AKAP12: variants seen among roughly 807,000 people sequenced by gnomAD.
The protein encoded by AKAP12 is A-kinase anchor protein 12.
In AKAP12, 32 loss-of-function variants were observed where a neutral mutation model predicts 79.9. The observed-to-expected ratio is 0.40, with a 90% CI of 0.30 to 0.54. AKAP12 has a LOEUF of 0.54. AKAP12 is among the 20% of genes least tolerant of loss of function. AKAP12 has a pLI of 0.48. For missense variants in AKAP12, 2,074 were observed against 2,177.0 expected, an observed-to-expected ratio of 0.95 and a Z score of 0.94; for synonymous variants, 808 against 857.0, an observed-to-expected ratio of 0.94 and a Z score of 1.00.
At chr6:151,334,816 G>A (rs978302038) in intron 3 of AKAP12, among the ~76,000 whole-genome samples, 3 of 151,854 alleles carry the variant, frequency 2.0e-5, no homozygotes, top group Non-Finnish European at 4.4e-5. Context: ...GTAGAGACGG[G>A]GTTTCTCCGT....
At chr6:151,321,918 T>TGTTTTTG (rs1339129420) in intron 3 of AKAP12, among the ~76,000 whole-genome samples, 6 of 146,350 alleles carry the variant, frequency 4.1e-5, no homozygotes, top group African/African-American at 1.6e-4. Context: ...TTTTTTTTTT[T>TGTTTTTG]TTTTTTTTTT....
At chr6:151,284,614 C>T (rs1412289689) in intron 2 of AKAP12, among the ~76,000 whole-genome samples, 1 of 152,176 alleles carries the variant, frequency 6.6e-6, no homozygotes, top group East Asian at 1.9e-4. Context: ...GGCAACAGAG[C>T]AAGACCCTGT....
At chr6:151,299,142 CTCCGTCCCG>C (rs1776801788) in intron 2 of AKAP12, among the ~76,000 whole-genome samples, 1 of 152,186 alleles carries the variant, frequency 6.6e-6, no homozygotes, top group Non-Finnish European at 1.5e-5. Flanking sequence ...ATATGCTTGG[CTCCGTCCCG>C]TTCAATGTTT....
At chr6:151,346,570 GTCCT>G (rs2114818252) in intron 3 of AKAP12, among the ~76,000 whole-genome samples, 1 of 152,316 alleles carries the variant, frequency 6.6e-6, no homozygotes, top group South Asian at 2.1e-4. Context: ...ATGAATTCTT[GTCCT>G]TCTCAGTGCT....
chr6:151,292,930 C>T (rs968845693), intron 2 of AKAP12, among the ~76,000 whole-genome samples: 2 of 152,214 alleles, frequency 1.3e-5, no homozygotes, highest in African/African-American at 4.8e-5. Flanking sequence ...ACGTATTTCT[C>T]ATATCTGTCT....
intron 3 of AKAP12, among the ~76,000 whole-genome samples, chr6:151,337,343 G>A (rs1431131330): frequency 1.3e-5 from 2 of 151,484 alleles, no homozygotes; most frequent in African/African-American, 2.4e-5. Flanking sequence ...TGGAAACCCC[G>A]TCTCTACTAA....
intron 3 of AKAP12, 31 bp from the exon 4 acceptor site, chr6:151,348,680 T>TGCC: frequency 2.0e-5 from 7 of 355,202 alleles, no homozygotes; most frequent in South Asian, 3.0e-5. Context: ...TTTTCTCTTC[T>TGCC]CCCCACCCCC....
intron 2 of AKAP12, among the ~76,000 whole-genome samples, chr6:151,277,063 G>A (rs1776303509): frequency 6.6e-6 from 1 of 152,178 alleles, no homozygotes; most frequent in Admixed American, 6.5e-5. Context: ...AACAACCTGT[G>A]CAATCTTGAA....
intron 3 of AKAP12, among the ~76,000 whole-genome samples, chr6:151,335,861 C>T (rs1582890034): frequency 6.6e-6 from 1 of 152,132 alleles, no homozygotes; most frequent in South Asian, 2.1e-4. Flanking sequence ...CTCTAGTGTA[C>T]CCGTCACCGG....
At chr6:151,314,539 G>A (rs1039624223) in intron 3 of AKAP12, among the ~76,000 whole-genome samples, 5 of 152,174 alleles carry the variant, frequency 3.3e-5, no homozygotes, top group African/African-American at 9.7e-5. Context: ...TCAGGACTAT[G>A]TAATAGGGAT....
chr6:151,302,116 T>C (rs1421259061), intron 2 of AKAP12, among the ~76,000 whole-genome samples: 1 of 151,964 alleles, frequency 6.6e-6, no homozygotes, highest in Non-Finnish European at 1.5e-5. Context: ...GTTCAAGTGA[T>C]TCTCCTGCCT....
At position 151,348,899 on chromosome 6, in the gene AKAP12, A is replaced by G. The variant is rs752429969; in HGVS notation, c.508A>G (p.Ile170Val). The change falls in exon 4 of 5, where the codon ATT becomes GTT. Residue 170 changes from isoleucine (I) to valine (V), a missense_variant. Coordinates refer to ENST00000402676, the MANE Select transcript of AKAP12 (RefSeq NM_005100.4). ...TQPTESQAND[I>V]GFKKVFKFVG... ...ACCCACTGAGTCCCAGGCTAATGAT[A>G]TTGGATTTAAGAAGGTGTTTAAGTT... 103 of 1,613,964 alleles carry G rather than the reference A, an allele frequency of 6.4e-5. No individual in the cohort carries two copies. Among genetic ancestry groups the G allele is most frequent in the Non-Finnish European group, 8.6e-5 (101 of 1,180,004 alleles).
intron 2 of AKAP12, among the ~76,000 whole-genome samples, chr6:151,252,547 A>G (rs1243098933): frequency 1.3e-5 from 2 of 151,884 alleles, no homozygotes. Flanking sequence ...AGGCCCCGAT[A>G]GTGGCTATGG....
chr6:151,351,728 G>A lies in AKAP12; in HGVS notation c.3337G>A (p.Gly1113Arg), dbSNP rs769258614. The A allele has an allele frequency of 1.9e-6, 3 of 1,613,994 alleles. No homozygotes were observed. The highest frequency in any genetic ancestry group is 1.3e-5 in the African/African-American group (1 of 74,924). Residue 1113 changes from glycine (G) to arginine (R), a missense_variant, in exon 4 of 5, where the codon GGG (glycine) becomes AGG (arginine). This residue lies in a region of AKAP12 where 1,428 missense variants were observed against 1,451.0 expected (regional missense o/e 0.98). Transcript: ENST00000402676. The surrounding 1 kb of genome is among the most constrained non-coding windows in gnomAD (Gnocchi z 4.4). ...TEPFTQGKVV[G>R]QTTPESFEKA... ...GCCTTTTACACAAGGGAAGGTGGTG[G>A]GGCAGACCACCCCAGAAAGCTTTGA...
Position 151,240,532 on chromosome 6 carries a change from C to T in AKAP12, c.-31C>T. 7.1e-7 allele frequency: 1 copy of T among 1,412,308 alleles called. No homozygotes were observed. Among genetic ancestry groups the T allele is most frequent in the South Asian group, 1.5e-5 (1 of 67,660 alleles). 87.5% of individuals were successfully genotyped at this position (1,412,308 alleles called of 1,614,324 possible). On this transcript the variant is annotated 5_prime_UTR_variant, in exon 2 of 5. Coordinates refer to ENST00000402676, the MANE Select transcript of AKAP12 (RefSeq NM_005100.4). ...GCGGCTTGGGGAAGGCGTAACCCGG[C>T]GGCTAGGCGCGGGAGAAGTGCGGAG...
At chr6:151,339,708 A>G (rs1582892771) in intron 3 of AKAP12, among the ~76,000 whole-genome samples, 1 of 152,076 alleles carries the variant, frequency 6.6e-6, no homozygotes, top group African/African-American at 2.4e-5. Context: ...AAATGGCTTC[A>G]CTGCCATAAA....
chr6:151,312,732 T>C (rs1777142030), intron 3 of AKAP12, among the ~76,000 whole-genome samples: 1 of 140,640 alleles, frequency 7.1e-6, no homozygotes, highest in South Asian at 2.2e-4. Flanking sequence ...CTGGAGGTTG[T>C]AGTAAGCCGA....
intron 2 of AKAP12, among the ~76,000 whole-genome samples, chr6:151,302,903 C>G (rs959647921): frequency 4.6e-5 from 7 of 152,112 alleles, no homozygotes; most frequent in Admixed American, 1.3e-4. Context: ...AGTTAGAATA[C>G]TCTGACATTT....
chr6:151,348,280 G>A lies in AKAP12; in HGVS notation c.320-431G>A, dbSNP rs569615350. ...ACAGAGGTTGCAGTGAACCGAGATC[G>A]TGCCACTGTGCTCCAGCCTGGGCGA... On this transcript the variant is annotated intron_variant, in intron 3 of 4. Coordinates refer to ENST00000402676, the MANE Select transcript of AKAP12 (RefSeq NM_005100.4). The A allele has an allele frequency of 7.8e-5, 34 of 436,482 alleles. 1 individual carries two copies. The highest frequency in any genetic ancestry group is 6.2e-4 in the African/African-American group (30 of 48,064). The allele number at this position is 436,482 out of a possible 1,614,324, so 27.0% of individuals were successfully genotyped here.
Sources: allele counts gnomAD v4.1 joint callset (sites outside exome capture counted in the v4.1 genomes callset), GRCh38; gene constraint gnomAD v4.1.1; regional missense constraint gnomAD v4.1.1; non-coding constraint Gnocchi (gnomAD v3.1); transcripts MANE v1.5; gene names NCBI Gene and HGNC (gene_info 2026-07-23, HGNC 2026-07-21).